The following SCAPER variants were observed in gnomAD, a reference collection of about 807,000 sequenced individuals.
The protein encoded by SCAPER is S phase cyclin A-associated protein in the endoplasmic reticulum.
A neutral mutation model predicts 182.2 loss-of-function variants in SCAPER; 98 were observed. The ratio of observed to expected loss-of-function variants is 0.54; its 90% CI spans 0.46 to 0.64. The LOEUF is 0.64. SCAPER is among the 30% of genes least tolerant of loss of function. The probability of loss-of-function intolerance (pLI) is 0.00; values close to 1 mark genes in which losing one functional copy is unlikely to be tolerated. For synonymous variants in SCAPER, 605 were observed against 564.6 expected, an observed-to-expected ratio of 1.07 and a Z score of -1.01; for missense variants, 1,432 against 1,690.0, an observed-to-expected ratio of 0.85 and a Z score of 2.68.
intron 4 of SCAPER, chr15:76,855,847 T>A (rs993200282): frequency 2.3e-6 from 1 of 440,736 alleles, no homozygotes; most frequent in Non-Finnish European, 4.6e-6. Flanking sequence ...TCGGCCATTA[T>A]GGAAAGAAGT....
rs748642508 is a variant in SCAPER at position 76,452,383 on chromosome 15, G to A, written c.3079-18073C>T. On this transcript the variant is annotated intron_variant, in intron 25 of 31. Coordinates refer to ENST00000563290, the MANE Select transcript of SCAPER (RefSeq NM_020843.4). Reference sequence around the variant, plus strand: ...GGTTTCCCACCTGGCTACTGGGATTGCCCATTTTCCTAAATCTTCATATTA... The same window carrying A: ...GGTTTCCCACCTGGCTACTGGGATTACCCATTTTCCTAAATCTTCATATTA... Among the ~76,000 whole-genome samples, 8 of 152,192 alleles carry A rather than the reference G, an allele frequency of 5.3e-5. 1 individual carries two copies. Among genetic ancestry groups the A allele is most frequent in the Admixed American group, 1.3e-4 (2 of 15,284 alleles).
intron 2 of SCAPER, among the ~76,000 whole-genome samples, chr15:76,869,553 T>A (rs1399599876): frequency 6.6e-6 from 1 of 151,876 alleles, no homozygotes; most frequent in African/African-American, 2.4e-5. Context: ...AAAACTACAG[T>A]GAAATATCAT....
Position 76,765,004 on chromosome 15 carries a change from A to G in SCAPER, c.1682T>C (p.Leu561Ser). The G allele has an allele frequency of 6.2e-7, 1 of 1,603,554 alleles. No individual in the cohort carries two copies. Among genetic ancestry groups the G allele is most frequent in the East Asian group, 2.2e-5 (1 of 44,704 alleles). The part of the protein sequence containing the change: ...QMKAQQLREK[L>S]REEKTLKLQK... ...AAGCTTCAATGTTTTCTCTTCGCGT[A>G]ACTTTTCCCTTAGCTGCTGTGCTTT... The change falls in exon 14 of 32, where the codon TTA becomes TCA. Residue 561 changes from leucine (L) to serine (S), a missense_variant. Coordinates refer to ENST00000563290, the MANE Select transcript of SCAPER (RefSeq NM_020843.4).
At chr15:76,587,530 A>G (rs2048756660) in intron 22 of SCAPER, among the ~76,000 whole-genome samples, 1 of 152,160 alleles carries the variant, frequency 6.6e-6, no homozygotes, top group African/African-American at 2.4e-5. Context: ...TCTTGATTTC[A>G]TTGTTGACCC....
intron 21 of SCAPER, among the ~76,000 whole-genome samples, chr15:76,664,108 A>T (rs2056397925): frequency 6.6e-6 from 1 of 152,160 alleles, no homozygotes; most frequent in Non-Finnish European, 1.5e-5. Context: ...AGAACCTTCT[A>T]GGAAGAGGAA....
chr15:76,348,532 A>G lies in SCAPER; in HGVS notation c.*101T>C. ...GCCATATCTACAGTGTGGGAAGAGT[A>G]TAAACATGGGAAAATGAGTTCTTAA... On this transcript the variant is annotated 3_prime_UTR_variant, in exon 32 of 32. Coordinates refer to ENST00000563290, the MANE Select transcript of SCAPER (RefSeq NM_020843.4). 1 of 768,206 alleles carries G rather than the reference A, an allele frequency of 1.3e-6. No homozygotes were observed. Among genetic ancestry groups the G allele is most frequent in the Non-Finnish European group, 2.1e-6 (1 of 476,130 alleles). 47.6% of individuals were successfully genotyped at this position (768,206 alleles called of 1,614,324 possible).
intron 23 of SCAPER, among the ~76,000 whole-genome samples, chr15:76,536,001 T>C (rs1405368846): frequency 6.6e-6 from 1 of 152,210 alleles, no homozygotes; most frequent in South Asian, 2.1e-4. Flanking sequence ...TTCCAGTAAT[T>C]TGTAGGCTCA....
At chr15:76,773,777 A>G (rs2063595290) in intron 9 of SCAPER, among the ~76,000 whole-genome samples, 1 of 152,000 alleles carries the variant, frequency 6.6e-6, no homozygotes, top group East Asian at 1.9e-4. Context: ...GTAAAAAGAG[A>G]AAGAATTTTA....
intron 24 of SCAPER, among the ~76,000 whole-genome samples, chr15:76,477,017 A>C (rs1301315973): frequency 6.6e-6 from 1 of 152,192 alleles, no homozygotes; most frequent in Non-Finnish European, 1.5e-5. Flanking sequence ...ATTAATTGAC[A>C]GGCTACTTGC....
intron 23 of SCAPER, among the ~76,000 whole-genome samples, chr15:76,529,974 C>A (rs976369704): frequency 6.6e-6 from 1 of 152,156 alleles, no homozygotes; most frequent in Non-Finnish European, 1.5e-5. Flanking sequence ...AGGATGGAAG[C>A]AAGAAGACCT....
chr15:76,739,371 C>A (rs539392283), intron 15 of SCAPER, among the ~76,000 whole-genome samples: 5 of 152,300 alleles, frequency 3.3e-5, no homozygotes, highest in Admixed American at 3.3e-4. Flanking sequence ...TTCACGCTTT[C>A]ATTTAAAGGA....
intron 25 of SCAPER, among the ~76,000 whole-genome samples, chr15:76,458,345 G>C (rs1462539291): frequency 6.6e-6 from 1 of 151,780 alleles, no homozygotes; most frequent in Non-Finnish European, 1.5e-5. Flanking sequence ...CATATATAGA[G>C]AGAGAATATT....
intron 18 of SCAPER, among the ~76,000 whole-genome samples, chr15:76,704,337 T>C (rs1045334358): frequency 1.3e-5 from 2 of 152,328 alleles, no homozygotes; most frequent in African/African-American, 4.8e-5. Context: ...TTAGATCCCA[T>C]ATGTCAATTT....
At chr15:76,716,043 C>A (rs1415865992) in intron 17 of SCAPER, among the ~76,000 whole-genome samples, 2 of 152,128 alleles carry the variant, frequency 1.3e-5, no homozygotes, top group African/African-American at 4.8e-5. Flanking sequence ...AATGTCAGAC[C>A]TGATACCAAA....
chr15:76,528,494 G>C (rs535285845), intron 23 of SCAPER, among the ~76,000 whole-genome samples: 2 of 152,258 alleles, frequency 1.3e-5, no homozygotes, highest in East Asian at 3.9e-4. Flanking sequence ...ACCTGATCCT[G>C]AATGGCACCA....
chr15:76,373,412 T>G (rs1003887355), intron 29 of SCAPER, among the ~76,000 whole-genome samples: 1 of 152,012 alleles, frequency 6.6e-6, no homozygotes, highest in African/African-American at 2.4e-5. Flanking sequence ...AAAAAGCAAT[T>G]TAATAGGTTG....
At chr15:76,833,994 GATCAA>G (rs2068729127) in intron 5 of SCAPER, among the ~76,000 whole-genome samples, 1 of 152,154 alleles carries the variant, frequency 6.6e-6, no homozygotes, top group South Asian at 2.1e-4. Context: ...ATTGACACTT[GATCAA>G]ATGGACTTAA....
chr15:76,512,356 A>C (rs1052992167), intron 23 of SCAPER, among the ~76,000 whole-genome samples: 6 of 152,092 alleles, frequency 3.9e-5, no homozygotes, highest in African/African-American at 1.4e-4. Context: ...ACTGAAGGAA[A>C]TGTTCGCCCT....
rs181867000 is a variant in SCAPER at position 76,839,525 on chromosome 15, C to T, written c.393+2209G>A. On this transcript the variant is annotated intron_variant, in intron 5 of 31. Transcript: ENST00000563290. ...TAAATTTTATCTTCTTACATCACCACCTGTAAGTCTTGGATGAGGAGAAGA... is the reference window on the plus strand; with the variant it reads ...TAAATTTTATCTTCTTACATCACCATCTGTAAGTCTTGGATGAGGAGAAGA... 1.1e-4 allele frequency among the ~76,000 whole-genome samples: 16 copies of T among 152,314 alleles called. No homozygotes were observed. In the East Asian group the frequency reaches 3.1e-3, roughly 29 times the overall value.
Sources: gnomAD v4.1 joint callset for allele counts (sites outside exome capture counted in the v4.1 genomes callset) on GRCh38, gnomAD v4.1.1 for gene constraint, MANE v1.5 for transcripts, NCBI Gene and HGNC (gene_info 2026-07-23, HGNC 2026-07-21) for gene names.